The following INTS13 variants were observed in gnomAD, a reference collection of about 807,000 sequenced individuals.
INTS13 encodes the protein asunder, spermatogenesis regulator homolog (Drosphila).
A neutral mutation model predicts 90.2 loss-of-function variants in INTS13; 35 were observed. That is an observed-to-expected ratio of 0.39 (90% confidence interval 0.30 to 0.51). The LOEUF (loss-of-function observed/expected upper bound fraction) is 0.51, where lower values mean the gene tolerates loss of function less well. Among genes scored for constraint, INTS13 ranks in the 20% least tolerant of loss-of-function variants. The pLI is 0.80. For missense variants in INTS13, 601 were observed against 851.2 expected (o/e 0.71, Z 3.66); for synonymous variants, 309 against 277.1 (o/e 1.11, Z -1.14).
intron 3 of INTS13, among the ~76,000 whole-genome samples, chr12:26,931,316 C>T (rs1466783153): frequency 2.6e-5 from 4 of 151,976 alleles, no homozygotes; most frequent in Non-Finnish European, 5.9e-5. Context: ...TGGTGGCACA[C>T]ACCTGTAGTC....
At chr12:26,934,470 T>G (rs1478633923) in intron 3 of INTS13, 86 bp downstream of exon 3, 6 of 976,818 alleles carry the variant, frequency 6.1e-6, no homozygotes, top group Non-Finnish European at 6.4e-6. Context: ...AATCCTAGAG[T>G]GATTTAAAAA....
At chr12:26,926,809 G>A (rs769049789) in intron 5 of INTS13, among the ~76,000 whole-genome samples, 6 of 152,166 alleles carry the variant, frequency 3.9e-5, no homozygotes, top group Non-Finnish European at 8.8e-5. Flanking sequence ...TTCTACTGAG[G>A]CAACTTTAGT....
At chr12:26,906,593 T>C in intron 15 of INTS13, 156 bp from the exon 16 acceptor site, 1 of 752,024 alleles carries the variant, frequency 1.3e-6, no homozygotes, top group Non-Finnish European at 2.1e-6. Context: ...AAGGCAATCA[T>C]TTTCCTCTTA....
At chr12:26,925,976 C>A in intron 5 of INTS13, 125 bp from the exon 6 acceptor site, 1 of 627,498 alleles carries the variant, frequency 1.6e-6, no homozygotes, top group East Asian at 2.9e-5. Context: ...TTACTGTTAA[C>A]CCAAAAGCTA....
At chr12:26,906,166 T>C in intron 16 of INTS13, 136 bp downstream of exon 16, 3 of 829,318 alleles carry the variant, frequency 3.6e-6, no homozygotes, top group Non-Finnish European at 3.7e-6. Context: ...AGGTTAATTT[T>C]TTCTGCTTAT....
chr12:26,917,745 T>A lies in INTS13; in HGVS notation c.890-12A>T. On this transcript the variant is annotated splice_polypyrimidine_tract_variant and intron_variant, in intron 8 of 16. Transcript: ENST00000261191. ...TAGATGCGAATCACCTTTAAAAATA[T>A]GTCAGAGACATTACACATTGTATAC... 6.3e-7 allele frequency: 1 copy of A among 1,598,344 alleles called. No homozygotes were observed. Among genetic ancestry groups the A allele is most frequent in the Non-Finnish European group, 8.6e-7 (1 of 1,165,756 alleles).
At chr12:26,911,694 G>A (rs1171634607) in intron 14 of INTS13, among the ~76,000 whole-genome samples, 1 of 152,154 alleles carries the variant, frequency 6.6e-6, no homozygotes, top group Non-Finnish European at 1.5e-5. Context: ...AGATTAATAA[G>A]TTTATTCCCA....
At chr12:26,917,549 G>A in intron 9 of INTS13, 95 bp downstream of exon 9, 1 of 1,333,026 alleles carries the variant, frequency 7.5e-7, no homozygotes, top group Non-Finnish European at 1.1e-6. Flanking sequence ...CTGAAACAAT[G>A]AAAAACGAAA....
chr12:26,937,444 A>AGG (rs1376534058), intron 1 of INTS13, among the ~76,000 whole-genome samples: 2 of 152,280 alleles, frequency 1.3e-5, no homozygotes, highest in Non-Finnish European at 2.9e-5. Context: ...CAGGTAGAGC[A>AGG]GAAAAACTTA....
chr12:26,920,349 A>C (rs1041052771), intron 8 of INTS13, among the ~76,000 whole-genome samples: 14 of 152,106 alleles, frequency 9.2e-5, no homozygotes, highest in Admixed American at 6.5e-4. Flanking sequence ...ACTACAGGCC[A>C]AGTCAACAAC....
chr12:26,932,824 G>A (rs1938269003), intron 3 of INTS13, among the ~76,000 whole-genome samples: 3 of 152,152 alleles, frequency 2.0e-5, no homozygotes, highest in Admixed American at 6.5e-5. Flanking sequence ...GTTCCCTAGT[G>A]CAAACAATCA....
At position 26,925,785 on chromosome 12, in the gene INTS13, A is replaced by T; in HGVS notation, c.651T>A (p.Leu217=). The T allele has an allele frequency of 6.2e-7, 1 of 1,612,462 alleles. No homozygotes were observed. The highest frequency in any genetic ancestry group is 2.2e-5 in the East Asian group (1 of 44,728). Residue 217 remains leucine, a synonymous_variant, in exon 6 of 17, where the codon CTT becomes CTA. Transcript: ENST00000261191. ...CCTCTTTTTTAGAACGATCAGATAC[A>T]AGGCTGTCTTCACCAACTGGGTAGG... ...IHTYPVGEDS[L]VSDRSKKELS...
At chr12:26,926,032 C>G (rs114031159) in intron 5 of INTS13, among the ~76,000 whole-genome samples, 181 bp from the exon 6 acceptor site, 2 of 152,060 alleles carry the variant, frequency 1.3e-5, no homozygotes. Context: ...TGTATGAACA[C>G]TTAATGAGTA....
intron 7 of INTS13, among the ~76,000 whole-genome samples, chr12:26,923,133 T>C (rs1937676767): frequency 6.6e-6 from 1 of 152,058 alleles, no homozygotes; most frequent in African/African-American, 2.4e-5. Context: ...TTATATAAAA[T>C]ATAAACTAAT....
chr12:26,914,036 C>T lies in INTS13; in HGVS notation c.1512G>A (p.Met504Ile). 6.2e-7 allele frequency: 1 copy of T among 1,610,364 alleles called. No homozygotes were observed. Among genetic ancestry groups the T allele is most frequent in the African/African-American group, 1.3e-5 (1 of 74,802 alleles). The change falls in exon 13 of 17, where the codon ATG becomes ATA. Residue 504 changes from methionine to isoleucine, a missense_variant. Transcript: ENST00000261191. ...CQKTIYNLVD[M>I]ERKNDPLPIS... ...TAGGTAGAGGATCATTTTTTCTTTC[C>T]ATATCAACTAAGTTGTATATTGTTT...
In INTS13 at chr12:26,913,486, T is replaced by C; in HGVS notation, c.1776A>G (p.Glu592=). The change falls in exon 14 of 17, where the codon GAA becomes GAG. Residue 592 remains glutamate, a synonymous_variant. Transcript: ENST00000261191. ...DKSEKAVKDY[E]QEKSWQDSER... is the part of the protein sequence containing the mutation. ...CTGAGTCTTGCCAAGACTTTTCCTG[T>C]TCATAATCTTTCACTGCTTTCTCTG... 1.2e-6 allele frequency: 2 copies of C among 1,614,122 alleles called. No homozygotes were observed. Among genetic ancestry groups the C allele is most frequent in the Non-Finnish European group, 1.7e-6 (2 of 1,180,016 alleles).
intron 2 of INTS13, among the ~76,000 whole-genome samples, chr12:26,936,112 G>A (rs147974730): frequency 1.3e-4 from 20 of 152,168 alleles, no homozygotes; most frequent in Non-Finnish European, 2.6e-4. Context: ...CTGCCTCTAC[G>A]TAACTATGTG....
intron 15 of INTS13, among the ~76,000 whole-genome samples, chr12:26,908,411 A>G (rs910771427): frequency 3.3e-5 from 5 of 152,226 alleles, no homozygotes; most frequent in African/African-American, 1.2e-4. Context: ...TGTTCATGAG[A>G]ACAAATTTAG....
intron 6 of INTS13, among the ~76,000 whole-genome samples, chr12:26,925,203 A>C (rs1937800374): frequency 6.6e-6 from 1 of 152,148 alleles, no homozygotes; most frequent in African/African-American, 2.4e-5. Context: ...CGATGTTTAT[A>C]TTAAATAATG....
Sources: allele counts gnomAD v4.1 joint callset (sites outside exome capture counted in the v4.1 genomes callset), GRCh38; gene constraint gnomAD v4.1.1; transcripts MANE v1.5; gene names NCBI Gene and HGNC (gene_info 2026-07-23, HGNC 2026-07-21).